WASL: variants seen among roughly 807,000 people sequenced by gnomAD.
WASL encodes actin nucleation-promoting factor WASL.
In WASL, 20 loss-of-function variants were observed where a neutral mutation model predicts 55.5. That is an observed-to-expected ratio of 0.36 (90% CI 0.25 to 0.52). The LOEUF (loss-of-function observed/expected upper bound fraction) is 0.52. Ranked by LOEUF, WASL falls within the 20% of genes least tolerant of loss-of-function variation. WASL has a pLI of 0.92. For synonymous variants in WASL, 249 were observed against 217.6 expected (o/e 1.14, Z -1.27); for missense variants, 504 against 622.5 (o/e 0.81, Z 2.03).
chr7:123,711,345 ACTTG>A (rs1366321292), intron 1 of WASL, among the ~76,000 whole-genome samples: 2 of 152,186 alleles, frequency 1.3e-5, no homozygotes, highest in African/African-American at 2.4e-5. Context: ...TTCTTAAAAC[ACTTG>A]CTTAAGAAAT....
intron 5 of WASL, among the ~76,000 whole-genome samples, chr7:123,702,336 G>C (rs990123437): frequency 6.6e-6 from 1 of 152,144 alleles, no homozygotes; most frequent in African/African-American, 2.4e-5. Flanking sequence ...GATTACAGGC[G>C]AGAGCCACCG....
chr7:123,689,987 A>C (rs1029454991), intron 9 of WASL, among the ~76,000 whole-genome samples: 3 of 152,118 alleles, frequency 2.0e-5, no homozygotes, highest in African/African-American at 7.2e-5. Context: ...ACCTTTTTTA[A>C]AAAAATTCAA....
chr7:123,715,325 G>A (rs115762413), intron 1 of WASL, among the ~76,000 whole-genome samples: 3 of 152,244 alleles, frequency 2.0e-5, no homozygotes, highest in African/African-American at 7.2e-5. Context: ...CACATAGAGA[G>A]CAAGGCCCTA....
chr7:123,682,879 A>C lies in WASL; in HGVS notation c.*1640T>G, dbSNP rs1442519561. 1.3e-5 allele frequency: 2 copies of C among 152,126 alleles called. No individual in the cohort carries two copies. The allele number at this position is 152,126 out of a possible 1,614,324, so 9.4% of individuals were successfully genotyped here. On this transcript the variant is annotated 3_prime_UTR_variant, in exon 11 of 11. Coordinates refer to ENST00000223023, the MANE Select transcript of WASL (RefSeq NM_003941.4). ...AGTCTAGAATCTTTCCCATGTGCTTAAATTACTCTTGCAAGAAAGATAACA... is the reference window on the plus strand; with the variant it reads ...AGTCTAGAATCTTTCCCATGTGCTTCAATTACTCTTGCAAGAAAGATAACA...
chr7:123,746,190 TAC>T (rs915647893), intron 1 of WASL, among the ~76,000 whole-genome samples: 10 of 152,230 alleles, frequency 6.6e-5, no homozygotes. Flanking sequence ...CTTATCAGTT[TAC>T]ACGTTTCCCT....
chr7:123,706,301 A>G lies in WASL; in HGVS notation c.412T>C (p.Leu138=). The G allele has an allele frequency of 1.2e-6, 2 of 1,613,634 alleles. No homozygotes were observed. The highest frequency in any genetic ancestry group is 1.7e-6 in the Non-Finnish European group (2 of 1,179,776). Residue 138 remains leucine (L), a synonymous_variant, in exon 4 of 11, where the codon TTG becomes CTG. Transcript: ENST00000223023. The part of the protein sequence containing the change: ...KKFRKAVTDL[L]GRRQRKSEKR... Reference sequence around the variant, plus strand: ...CCAGATTTCCTTTGTCGACGGCCCAAAAGGTCTGTAACTGCTTTTCGAAAT... The same window carrying G: ...CCAGATTTCCTTTGTCGACGGCCCAGAAGGTCTGTAACTGCTTTTCGAAAT...
In WASL at chr7:123,719,220, G is replaced by A. The variant is rs903310028; in HGVS notation, c.118-9997C>T. 2.0e-5 allele frequency among the ~76,000 whole-genome samples: 3 copies of A among 152,168 alleles called. No homozygotes were observed. In the East Asian group the frequency reaches 5.8e-4, roughly 29 times the overall value. On this transcript the variant is annotated intron_variant, in intron 1 of 10. Coordinates refer to ENST00000223023, the MANE Select transcript of WASL (RefSeq NM_003941.4). ...CAGTGCAAAATATTGGGAAAATAATGTTTCTGATCATAAAAAGAAATGTGC... is the reference window on the plus strand; with the variant it reads ...CAGTGCAAAATATTGGGAAAATAATATTTCTGATCATAAAAAGAAATGTGC...
intron 5 of WASL, among the ~76,000 whole-genome samples, chr7:123,703,334 TAA>T (rs367908837): frequency 6.6e-5 from 10 of 152,268 alleles, no homozygotes; most frequent in African/African-American, 2.2e-4. Flanking sequence ...TCCTTATCTA[TAA>T]AAGAGATAAT....
At chr7:123,685,252 C>T (rs1477849034) in intron 10 of WASL, among the ~76,000 whole-genome samples, 12 of 151,910 alleles carry the variant, frequency 7.9e-5, no homozygotes, top group Non-Finnish European at 7.4e-5. Flanking sequence ...GCTACCACTG[C>T]TATTTGAATG....
intron 1 of WASL, among the ~76,000 whole-genome samples, chr7:123,730,006 ACTTCT>A (rs1196667622): frequency 6.6e-6 from 1 of 152,166 alleles, no homozygotes; most frequent in Admixed American, 6.5e-5. Context: ...ATTATATTGG[ACTTCT>A]CTTCAGAAAT....
chr7:123,746,320 G>C (rs543873901), intron 1 of WASL, among the ~76,000 whole-genome samples: 9 of 152,094 alleles, frequency 5.9e-5, no homozygotes, highest in African/African-American at 2.2e-4. Context: ...CCAGAGCTTC[G>C]ACTATAACTG....
intron 10 of WASL, among the ~76,000 whole-genome samples, chr7:123,686,558 G>C (rs1379145056): frequency 6.6e-6 from 1 of 151,818 alleles, no homozygotes. Flanking sequence ...CATTATATTA[G>C]CGTGACTATT....
rs1803223730 is a variant in WASL, at chr7:123,683,031, A to C, written c.*1488T>G. On this transcript the variant is annotated 3_prime_UTR_variant, in exon 11 of 11. Coordinates refer to ENST00000223023, the MANE Select transcript of WASL (RefSeq NM_003941.4). Reference sequence around the variant, plus strand: ...ATTATGTAATAAATGGTTAAAATTCAAGCCACATCTTGCAGGTCCAGCCTG... The same window carrying C: ...ATTATGTAATAAATGGTTAAAATTCCAGCCACATCTTGCAGGTCCAGCCTG... 6.6e-6 allele frequency: 1 copy of C among 152,136 alleles called. No homozygotes were observed. The highest frequency in any genetic ancestry group is 1.5e-5 in the Non-Finnish European group (1 of 68,002). The allele number at this position is 152,136 out of a possible 1,614,324, so 9.4% of individuals were successfully genotyped here. A position where few individuals can be genotyped will look rare whatever the true frequency, so the allele number is the denominator to read the frequency against.
chr7:123,685,856 A>G lies in WASL; in HGVS notation c.1457-1276T>C, dbSNP rs183338177. Among the ~76,000 whole-genome samples the G allele has an allele frequency of 2.5e-3, 368 of 144,554 alleles. 3 individuals are homozygous for G. The highest frequency in any genetic ancestry group is 8.8e-3 in the African/African-American group (342 of 38,962). The allele number at this position is 144,554 out of a possible 152,430, so 94.8% of individuals were successfully genotyped here. ...CACCTATAAATATATAAATACATAT[A>G]CCTATATATAAATATATAAATATAT... On this transcript the variant is annotated intron_variant, in intron 10 of 10. Transcript: ENST00000223023.
intron 1 of WASL, among the ~76,000 whole-genome samples, chr7:123,715,763 G>A (rs148720351): frequency 6.6e-5 from 10 of 152,276 alleles, no homozygotes; most frequent in African/African-American, 2.4e-4. Context: ...TACTGCCTAT[G>A]ATTTAAATTC....
In WASL at chr7:123,689,030, CT is replaced by C; in HGVS notation, c.1456+11del. On this transcript the variant is annotated intron_variant, in intron 10 of 10. Coordinates refer to ENST00000223023, the MANE Select transcript of WASL (RefSeq NM_003941.4). Reference sequence around the variant, plus strand: ...TGTCTCTCTCTCTCTCTCTCTCTCTCTCTCTCTCTACCTGAAGAATGAATGG... The same window carrying C: ...TGTCTCTCTCTCTCTCTCTCTCTCTCCTCTCTCTACCTGAAGAATGAATGG... 1 of 1,591,262 alleles carries C rather than the reference CT, an allele frequency of 6.3e-7. No homozygotes were observed. Among genetic ancestry groups the C allele is most frequent in the Non-Finnish European group, 8.6e-7 (1 of 1,168,954 alleles).
At chr7:123,726,829 G>A (rs2116810971) in intron 1 of WASL, among the ~76,000 whole-genome samples, 1 of 152,224 alleles carries the variant, frequency 6.6e-6, no homozygotes, top group East Asian at 1.9e-4. Context: ...ATGCACCACT[G>A]CACTCCAGCC....
rs922077155 is a variant in WASL, at chr7:123,684,080, A to G, written c.*439T>C. ...ATTGTATTCAAAATAAAGGGGCTAA[A>G]GAAACTAAGGTCTGCATCACTTAAA... On this transcript the variant is annotated 3_prime_UTR_variant, in exon 11 of 11. Coordinates refer to ENST00000223023, the MANE Select transcript of WASL (RefSeq NM_003941.4). The G allele has an allele frequency of 6.6e-6, 1 of 152,186 alleles. No individual in the cohort carries two copies. The highest frequency in any genetic ancestry group is 1.5e-5 in the Non-Finnish European group (1 of 68,048). 9.4% of individuals were successfully genotyped at this position (152,186 alleles called of 1,614,324 possible).
At chr7:123,745,791 C>T (rs1281475854) in intron 1 of WASL, among the ~76,000 whole-genome samples, 1 of 151,960 alleles carries the variant, frequency 6.6e-6, no homozygotes, top group East Asian at 1.9e-4. Flanking sequence ...TCCTTGCTCC[C>T]TAACAAACCT....
Sources: gnomAD v4.1 joint callset for allele counts (sites outside exome capture counted in the v4.1 genomes callset) on GRCh38, gnomAD v4.1.1 for gene constraint, MANE v1.5 for transcripts, NCBI Gene and HGNC (gene_info 2026-07-23, HGNC 2026-07-21) for gene names.